ZNRF3: variants seen among roughly 807,000 people sequenced by gnomAD.
The protein encoded by ZNRF3 is E3 ubiquitin-protein ligase ZNRF3.
Under a neutral mutation model 72.5 loss-of-function variants are expected in ZNRF3, and 23 were observed. That is an observed-to-expected ratio of 0.32 (90% CI 0.23 to 0.45). The LOEUF (loss-of-function observed/expected upper bound fraction) is 0.45. Among genes scored for constraint, ZNRF3 ranks in the 20% least tolerant of loss-of-function variants. The pLI is 1.00. For missense variants in ZNRF3, 1,169 were observed against 1,272.1 expected (o/e 0.92, Z 1.23); for synonymous variants, 610 against 545.3 (o/e 1.12, Z -1.65).
chr22:28,928,661 T>C (rs975576868), intron 1 of ZNRF3, among the ~76,000 whole-genome samples: 1 of 145,386 alleles, frequency 6.9e-6, no homozygotes, highest in African/African-American at 2.6e-5. Flanking sequence ...ACCCGGCTAA[T>C]TTTTTTTTTT....
chr22:28,929,960 G>T (rs1466832714), intron 1 of ZNRF3, among the ~76,000 whole-genome samples: 1 of 151,832 alleles, frequency 6.6e-6, no homozygotes, highest in African/African-American at 2.4e-5. Flanking sequence ...CTCAGTTTGA[G>T]AAAAAATAGA....
chr22:28,995,386 C>A (rs1171672675), intron 2 of ZNRF3, among the ~76,000 whole-genome samples: 2 of 152,108 alleles, frequency 1.3e-5, no homozygotes, highest in Non-Finnish European at 2.9e-5. Flanking sequence ...CGAGATCACG[C>A]TACTGCACTC....
At chr22:28,959,952 T>G (rs1224199322) in intron 1 of ZNRF3, among the ~76,000 whole-genome samples, 1 of 152,216 alleles carries the variant, frequency 6.6e-6, no homozygotes, top group Non-Finnish European at 1.5e-5. Context: ...GCTCCAGAAC[T>G]GTGAGAAAAT....
In ZNRF3 at chr22:29,049,627, G is replaced by C. The variant is rs193004130; in HGVS notation, c.1446G>C (p.Gln482His). The change falls in exon 8 of 9, where the codon CAG (glutamine) becomes CAC (histidine). Residue 482 changes from glutamine (Q) to histidine (H), a missense_variant. Physicochemically the swap from Gln to His is conservative, Grantham distance 24 (BLOSUM62 0). Transcript: ENST00000544604. This position sits in a 1 kb window ranked among gnomAD's most constrained non-coding sequence, Gnocchi z 5.2. ...YYFQGLSYPEQEGQSPPSLAP... is the reference protein window; with the variant it reads ...YYFQGLSYPEHEGQSPPSLAP... Reference sequence around the variant, plus strand: ...TCCAGGGCCTCAGCTACCCGGAGCAGGAGGGGCAGTCCCCACCTAGCCTCG... The same window carrying C: ...TCCAGGGCCTCAGCTACCCGGAGCACGAGGGGCAGTCCCCACCTAGCCTCG... 1.5e-3 allele frequency: 2,384 copies of C among 1,610,994 alleles called. 3 individuals carry two copies. Among genetic ancestry groups the C allele is most frequent in the Non-Finnish European group, 1.8e-3 (2,141 of 1,179,610 alleles).
intron 1 of ZNRF3, among the ~76,000 whole-genome samples, chr22:28,948,819 A>G (rs1255125130): frequency 6.6e-6 from 1 of 152,192 alleles, no homozygotes; most frequent in African/African-American, 2.4e-5. Flanking sequence ...TTTGAAATCT[A>G]TTGGTCTCTG....
intron 1 of ZNRF3, among the ~76,000 whole-genome samples, chr22:28,887,964 AT>A (rs139427): frequency 6.0e-5 from 9 of 149,706 alleles, no homozygotes; most frequent in South Asian, 2.1e-4. Context: ...GTCGAAATGC[AT>A]TTTTTTTTTG....
At chr22:29,033,595 T>C (rs1335310510) in intron 2 of ZNRF3, among the ~76,000 whole-genome samples, 1 of 152,128 alleles carries the variant, frequency 6.6e-6, no homozygotes, top group Non-Finnish European at 1.5e-5. Context: ...GAAGAGAATG[T>C]TGTTGGGACT....
chr22:29,053,596 G>A lies in ZNRF3; in HGVS notation c.2785G>A (p.Ala929Thr). 6.2e-7 allele frequency: 1 copy of A among 1,613,758 alleles called. No homozygotes were observed. The highest frequency in any genetic ancestry group is 2.2e-5 in the East Asian group (1 of 44,872). ...TEAAGPRSHS[A>T]DSSSPGA is the part of the protein sequence containing the mutation. ...TTTCCCAGGACCGAGATCTCACTCAGCAGACAGCAGCAGCCCGGGAGCCTG... is the reference window on the plus strand; with the variant it reads ...TTTCCCAGGACCGAGATCTCACTCAACAGACAGCAGCAGCCCGGGAGCCTG... The change falls in exon 9 of 9, where the codon GCA (alanine) becomes ACA (threonine). Residue 929 changes from alanine to threonine, a missense_variant. By Grantham distance (58) the Ala-to-Thr change is moderately conservative (BLOSUM62 0). Coordinates refer to ENST00000544604, the MANE Select transcript of ZNRF3 (RefSeq NM_001206998.2).
intron 1 of ZNRF3, among the ~76,000 whole-genome samples, chr22:28,973,099 C>T (rs566322156): frequency 1.3e-3 from 199 of 152,280 alleles, no homozygotes; most frequent in Middle Eastern, 3.4e-3. Flanking sequence ...CTGCCTCAGC[C>T]TCCCAAGTAG....
At position 29,054,011 on chromosome 22, in the gene ZNRF3, GAAAA is replaced by G. The variant is rs199953416; in HGVS notation, c.*395_*398del. ...CTAACTGCCAACTTTTGCTGAAAAA[GAAAA>G]AAAAATCACTGCTGCATTAAATGAA... On this transcript the variant is annotated 3_prime_UTR_variant, in exon 9 of 9. Coordinates refer to ENST00000544604, the MANE Select transcript of ZNRF3 (RefSeq NM_001206998.2). 2 of 154,918 alleles carry G rather than the reference GAAAA, an allele frequency of 1.3e-5. No individual in the cohort carries two copies. Among genetic ancestry groups the G allele is most frequent in the African/African-American group, 4.9e-5 (2 of 41,096 alleles). 9.6% of individuals were successfully genotyped at this position (154,918 alleles called of 1,614,324 possible).
At chr22:28,957,032 T>G (rs2035274172) in intron 1 of ZNRF3, among the ~76,000 whole-genome samples, 1 of 152,246 alleles carries the variant, frequency 6.6e-6, no homozygotes. Flanking sequence ...GTGCCTATTG[T>G]GCAGAATGCA....
intron 1 of ZNRF3, among the ~76,000 whole-genome samples, chr22:28,983,713 A>T (rs1310050472): frequency 6.6e-6 from 1 of 152,184 alleles, no homozygotes; most frequent in Non-Finnish European, 1.5e-5. Context: ...ATGCGTGTGT[A>T]TGTGTTCTCC....
intron 2 of ZNRF3, among the ~76,000 whole-genome samples, chr22:29,035,762 T>TA (rs1357006209): frequency 6.6e-6 from 1 of 151,996 alleles, no homozygotes. Context: ...TTTATTTTAT[T>TA]AGAGGTGGGA....
chr22:29,047,128 A>G (rs1258318014), intron 6 of ZNRF3, among the ~76,000 whole-genome samples: 1 of 152,134 alleles, frequency 6.6e-6, no homozygotes, highest in Non-Finnish European at 1.5e-5. Flanking sequence ...GCCTAGTACC[A>G]TGCCTGTAGT....
chr22:28,960,408 T>C (rs2123802727), intron 1 of ZNRF3, among the ~76,000 whole-genome samples: 1 of 152,274 alleles, frequency 6.6e-6, no homozygotes, highest in Admixed American at 6.5e-5. Context: ...CTGGTGTCCC[T>C]TCCCAATCAG....
chr22:28,964,079 G>T (rs2035414981), intron 1 of ZNRF3, among the ~76,000 whole-genome samples: 1 of 152,180 alleles, frequency 6.6e-6, no homozygotes, highest in African/African-American at 2.4e-5. Context: ...CAAGCTCCAG[G>T]AGTCTTCAGC....
chr22:28,970,281 C>T (rs768171805), intron 1 of ZNRF3, among the ~76,000 whole-genome samples: 6 of 152,104 alleles, frequency 3.9e-5, no homozygotes, highest in Admixed American at 2.0e-4. Flanking sequence ...TCAGCAACAT[C>T]GGGCATCAGT....
At chr22:28,988,875 G>A (rs1377796272) in intron 2 of ZNRF3, among the ~76,000 whole-genome samples, 1 of 152,134 alleles carries the variant, frequency 6.6e-6, no homozygotes, top group African/African-American at 2.4e-5. Flanking sequence ...GTTGGAACAG[G>A]GATTACAGGG....
Position 28,883,628 on chromosome 22 carries a change from G to A in ZNRF3, c.-139G>A. ...CCGCGGCGCGACGGCCGGGGGAGCC[G>A]AGCTGAGCCTGCGACCCACAAAGCC... is the stretch of plus-strand genomic sequence containing the variant. On this transcript the variant is annotated 5_prime_UTR_variant, in exon 1 of 9. Transcript: ENST00000544604. This position sits in a 1 kb window ranked among gnomAD's most constrained non-coding sequence, Gnocchi z 5.5. The A allele has an allele frequency of 1.2e-6, 1 of 858,834 alleles. No individual in the cohort carries two copies. The highest frequency in any genetic ancestry group is 1.4e-6 in the Non-Finnish European group (1 of 714,090). 53.2% of individuals were successfully genotyped at this position (858,834 alleles called of 1,614,324 possible).
Sources: gnomAD v4.1 joint callset for allele counts (sites outside exome capture counted in the v4.1 genomes callset) on GRCh38, gnomAD v4.1.1 for gene constraint, Gnocchi (gnomAD v3.1) non-coding constraint, MANE v1.5 for transcripts, NCBI Gene and HGNC (gene_info 2026-07-23, HGNC 2026-07-21) for gene names.